UBE2G2: variants seen among roughly 807,000 people sequenced by gnomAD.
UBE2G2 encodes ubiquitin conjugating enzyme E2 G2, also known as ubiquitin-conjugating enzyme E2 G2.
In UBE2G2, 10 loss-of-function variants were observed where a neutral mutation model predicts 23.0. That is an observed-to-expected ratio of 0.43 (90% CI 0.27 to 0.74). The LOEUF is 0.74. UBE2G2 is among the 30% of genes least tolerant of loss of function. The pLI is 0.19. For synonymous variants in UBE2G2, 86 were observed against 81.3 expected (o/e 1.06, Z -0.31); for missense variants, 150 against 218.3 (o/e 0.69, Z 1.97).
rs73906922 is a variant in UBE2G2 at position 44,786,347 on chromosome 21, C to G, written c.125+1573G>C. Among the ~76,000 whole-genome samples the G allele has an allele frequency of 7.2e-3, 1,097 of 152,328 alleles. 13 individuals carry two copies. The highest frequency in any genetic ancestry group is 0.026 in the African/African-American group (1,071 of 41,570). On this transcript the variant is annotated intron_variant, in intron 3 of 5. Coordinates refer to ENST00000345496, the MANE Select transcript of UBE2G2 (RefSeq NM_003343.6). ...CCAGACTGTGGGACTCGCCATCCAT[C>G]TCATAACTGCCTTGGGGGCCACATT...
intron 1 of UBE2G2, among the ~76,000 whole-genome samples, chr21:44,796,196 C>A (rs782550946): frequency 2.0e-5 from 3 of 152,234 alleles, no homozygotes; most frequent in Non-Finnish European, 4.4e-5. Context: ...GACAAGACAG[C>A]AGTTTACAAC....
chr21:44,791,668 A>G (rs2083046163), intron 1 of UBE2G2, among the ~76,000 whole-genome samples: 1 of 152,238 alleles, frequency 6.6e-6, no homozygotes, highest in Admixed American at 6.5e-5. Context: ...AACATCTGCT[A>G]GGGCATTGCA....
chr21:44,769,078 C>T lies in UBE2G2; in HGVS notation c.*2299G>A, dbSNP rs1156247210. 6.6e-6 allele frequency: 1 copy of T among 152,212 alleles called. No homozygotes were observed. The highest frequency in any genetic ancestry group is 2.4e-5 in the African/African-American group (1 of 41,446). The allele number at this position is 152,212 out of a possible 1,614,324, so 9.4% of individuals were successfully genotyped here. A position where few individuals can be genotyped will look rare whatever the true frequency, so the allele number is the denominator to read the frequency against. On this transcript the variant is annotated 3_prime_UTR_variant, in exon 6 of 6. Coordinates refer to ENST00000345496, the MANE Select transcript of UBE2G2 (RefSeq NM_003343.6). ...AAACACAGAACTTTATTTCAACAGT[C>T]ATTAGGTTCCACCACACAACAGGGA...
chr21:44,794,755 C>A lies in UBE2G2; in HGVS notation c.44-6660G>T, dbSNP rs2083072951. Among the ~76,000 whole-genome samples, 2 of 152,028 alleles carry A rather than the reference C, an allele frequency of 1.3e-5. 1 individual carries two copies. The highest frequency in any genetic ancestry group is 4.1e-4 in the South Asian group (2 of 4,832). On this transcript the variant is annotated intron_variant, in intron 1 of 5. Coordinates refer to ENST00000345496, the MANE Select transcript of UBE2G2 (RefSeq NM_003343.6). ...TTCACCGTGTTAGCCCGGATGGTCTCCATCTCCTGACCTCGTGATCCGCCC... is the reference window on the plus strand; with the variant it reads ...TTCACCGTGTTAGCCCGGATGGTCTACATCTCCTGACCTCGTGATCCGCCC...
intron 1 of UBE2G2, among the ~76,000 whole-genome samples, chr21:44,797,901 C>T (rs1569302723): frequency 6.6e-6 from 1 of 152,010 alleles, no homozygotes; most frequent in Admixed American, 6.6e-5. Context: ...AGTAATAGTC[C>T]CCCACATCCA....
chr21:44,771,649 G>A lies in UBE2G2; in HGVS notation c.386-160C>T, dbSNP rs564094045. On this transcript the variant is annotated intron_variant, in intron 5 of 5. Transcript: ENST00000345496. The surrounding 1 kb of genome is among the most constrained non-coding windows in gnomAD (Gnocchi z 4.6). Reference sequence around the variant, plus strand: ...GCATGGGGTCGGCCCCACCTCTAGAGTGCTGGCCACGCAGGTCTCAACGAA... The same window carrying A: ...GCATGGGGTCGGCCCCACCTCTAGAATGCTGGCCACGCAGGTCTCAACGAA... 7.9e-5 allele frequency among the ~76,000 whole-genome samples: 12 copies of A among 152,270 alleles called. 1 individual carries two copies. The East Asian group carries it at 2.3e-3, about 29-fold the overall frequency.
chr21:44,786,078 C>T (rs1173545409), intron 3 of UBE2G2, among the ~76,000 whole-genome samples: 3 of 58,258 alleles, frequency 5.1e-5, no homozygotes, highest in Non-Finnish European at 9.1e-5. Context: ...GGAGCCAACA[C>T]CCCACAAATA....
At chr21:44,792,938 G>A (rs2083056827) in intron 1 of UBE2G2, among the ~76,000 whole-genome samples, 1 of 152,186 alleles carries the variant, frequency 6.6e-6, no homozygotes. Flanking sequence ...TTCAGGGGTG[G>A]GTGGGAACTG....
At chr21:44,780,410 C>A (rs1312390810) in intron 3 of UBE2G2, among the ~76,000 whole-genome samples, 3 of 152,172 alleles carry the variant, frequency 2.0e-5, no homozygotes, top group Non-Finnish European at 4.4e-5. Context: ...TCTCTTTCAC[C>A]GAAGATGGCC....
At chr21:44,787,784 A>G in intron 3 of UBE2G2, 136 bp downstream of exon 3, 3 of 917,548 alleles carry the variant, frequency 3.3e-6, no homozygotes, top group Non-Finnish European at 4.9e-6. Flanking sequence ...AGCAGCCTAG[A>G]CGAGAGCTGG....
intron 3 of UBE2G2, among the ~76,000 whole-genome samples, chr21:44,778,563 C>CAT (rs146354260): frequency 0.085 from 12,875 of 152,272 alleles, 608 homozygotes; most frequent in South Asian, 0.1. Context: ...GAGTGTCAGC[C>CAT]ACTATGCCTG....
chr21:44,794,957 A>G (rs2083074440), intron 1 of UBE2G2, among the ~76,000 whole-genome samples: 1 of 152,216 alleles, frequency 6.6e-6, no homozygotes, highest in African/African-American at 2.4e-5. Context: ...CACGAGTCTT[A>G]TGGAAATGCA....
intron 5 of UBE2G2, 81 bp downstream of exon 5, chr21:44,773,466 A>G (rs2082889039): frequency 6.7e-7 from 1 of 1,493,874 alleles, no homozygotes; most frequent in Admixed American, 2.1e-5. Flanking sequence ...AGGACATTCT[A>G]AAGACAGGAT....
chr21:44,801,648 C>T, intron 1 of UBE2G2, 58 bp downstream of exon 1: 1 of 1,492,206 alleles, frequency 6.7e-7, no homozygotes, highest in East Asian at 2.9e-5. Context: ...CGCCGGACGA[C>T]GCGGGCCCGG....
chr21:44,779,291 A>C (rs1379233794), intron 3 of UBE2G2: 5 of 369,148 alleles, frequency 1.4e-5, no homozygotes, highest in African/African-American at 4.7e-5. Context: ...TAAAAGACAA[A>C]TTTTGATTCT....
chr21:44,776,130 G>T (rs1226321204), intron 4 of UBE2G2, among the ~76,000 whole-genome samples: 1 of 152,066 alleles, frequency 6.6e-6, no homozygotes, highest in Admixed American at 6.6e-5. Flanking sequence ...GGGTGGGGGG[G>T]TAGTCCTGAA....
rs1195647434 is a variant in UBE2G2, at chr21:44,777,421, G to C, written c.126-4C>G. Reference sequence around the variant, plus strand: ...AAAGCAGGTGTCTTCTGGGCCCCTAGAAGATATAAAATACGTAGACTGAAC... The same window carrying C: ...AAAGCAGGTGTCTTCTGGGCCCCTACAAGATATAAAATACGTAGACTGAAC... On this transcript the variant is annotated splice_region_variant and splice_polypyrimidine_tract_variant and intron_variant, in intron 3 of 5. Coordinates refer to ENST00000345496, the MANE Select transcript of UBE2G2 (RefSeq NM_003343.6). 3.7e-6 allele frequency: 6 copies of C among 1,613,590 alleles called. No individual in the cohort carries two copies. The highest frequency in any genetic ancestry group is 4.2e-6 in the Non-Finnish European group (5 of 1,179,612).
rs976341157 is a variant in UBE2G2 at position 44,769,212 on chromosome 21, A to T, written c.*2165T>A. 6.6e-6 allele frequency: 1 copy of T among 152,184 alleles called. No homozygotes were observed. Among genetic ancestry groups the T allele is most frequent in the African/African-American group, 2.4e-5 (1 of 41,446 alleles). The allele number at this position is 152,184 out of a possible 1,614,324, so 9.4% of individuals were successfully genotyped here. ...CCCGATCTCACAGAAGCCTCCAGGC[A>T]ATTGTGTGCCCCTCCAGGGCCTGCA... On this transcript the variant is annotated 3_prime_UTR_variant, in exon 6 of 6. Transcript: ENST00000345496.
chr21:44,801,548 C>A (rs2083138086), intron 1 of UBE2G2, 158 bp downstream of exon 1: 1 of 1,164,506 alleles, frequency 8.6e-7, no homozygotes, highest in Non-Finnish European at 1.1e-6. Context: ...GGGCAGCGGG[C>A]GCAGGGCGCG....
Sources: gnomAD v4.1 joint callset for allele counts (sites outside exome capture counted in the v4.1 genomes callset) on GRCh38, gnomAD v4.1.1 for gene constraint, Gnocchi (gnomAD v3.1) non-coding constraint, MANE v1.5 for transcripts, NCBI Gene and HGNC (gene_info 2026-07-23, HGNC 2026-07-21) for gene names.